Variants in PDE7B observed in about 807,000 individuals in gnomAD.
The protein encoded by PDE7B is 3',5'-cyclic-AMP phosphodiesterase 7B.
PDE7B carries 29 observed loss-of-function variants against 56.2 expected under a neutral mutation model. That is an observed-to-expected ratio of 0.52 (90% CI 0.38 to 0.70). The LOEUF is 0.70. Ranked by LOEUF, PDE7B falls within the 30% of genes least tolerant of loss-of-function variation. The pLI, the probability that PDE7B is intolerant of heterozygous loss-of-function variation, is 0.00. For synonymous variants in PDE7B, 197 were observed against 196.9 expected, an observed-to-expected ratio of 1.00 and a Z score of 0.00; for missense variants, 490 against 565.0, an observed-to-expected ratio of 0.87 and a Z score of 1.35.
At chr6:135,928,465 T>TA (rs1774231425) in intron 1 of PDE7B, among the ~76,000 whole-genome samples, 1 of 75,562 alleles carries the variant, frequency 1.3e-5, no homozygotes, top group Admixed American at 1.6e-4. Context: ...ATATATATAT[T>TA]TATTTATATA....
chr6:136,183,493 G>A (rs550997336), intron 11 of PDE7B, among the ~76,000 whole-genome samples: 13 of 150,506 alleles, frequency 8.6e-5, no homozygotes, highest in African/African-American at 2.9e-4. Context: ...TTACTTGGGA[G>A]GCTGAGGCAG....
At chr6:135,996,507 G>A (rs893410730) in intron 2 of PDE7B, among the ~76,000 whole-genome samples, 3 of 152,292 alleles carry the variant, frequency 2.0e-5, no homozygotes, top group South Asian at 2.1e-4. Context: ...TACAAAAGGC[G>A]AGAAAATAAC....
chr6:135,914,484 G>T, intron 1 of PDE7B, among the ~76,000 whole-genome samples: 3 of 62,796 alleles, frequency 4.8e-5, no homozygotes, highest in Non-Finnish European at 5.2e-5. Context: ...TTTTTATAAT[G>T]CTTTTTTTTT....
intron 3 of PDE7B, chr6:136,111,208 G>A (rs1409262147): frequency 1.3e-5 from 2 of 151,950 alleles, no homozygotes; most frequent in Admixed American, 1.3e-4. Flanking sequence ...AAGACTATAA[G>A]ATCCTAAAGA....
intron 3 of PDE7B, among the ~76,000 whole-genome samples, chr6:136,142,260 C>A (rs969604701): frequency 1.3e-5 from 2 of 152,092 alleles, no homozygotes; most frequent in Admixed American, 1.3e-4. Context: ...TGTAGTTGAG[C>A]AGTTTGGAGT....
At chr6:136,035,794 G>A (rs1352620806) in intron 2 of PDE7B, among the ~76,000 whole-genome samples, 1 of 151,922 alleles carries the variant, frequency 6.6e-6, no homozygotes, top group Non-Finnish European at 1.5e-5. Context: ...AGGATACAAT[G>A]GAAATGTATA....
chr6:136,192,325 T>TTAA lies in PDE7B; in HGVS notation c.*494_*496dup, dbSNP rs915638736. On this transcript the variant is annotated 3_prime_UTR_variant, in exon 13 of 13. Transcript: ENST00000308191. Reference sequence around the variant, plus strand: ...AGTGTGAGAGAAAGTACCTTCTATTTTAATAATAATATTATTATAAAAATA... The same window carrying TTAA: ...AGTGTGAGAGAAAGTACCTTCTATTTTAATAATAATAATATTATTATAAAAATA... 1 of 152,162 alleles carries TTAA rather than the reference T, an allele frequency of 6.6e-6. No individual in the cohort carries two copies. The highest frequency in any genetic ancestry group is 1.5e-5 in the Non-Finnish European group (1 of 68,026). 9.4% of individuals were successfully genotyped at this position (152,162 alleles called of 1,614,324 possible).
At chr6:135,951,212 C>G (rs1430049783) in intron 2 of PDE7B, among the ~76,000 whole-genome samples, 1 of 151,834 alleles carries the variant, frequency 6.6e-6, no homozygotes, top group Non-Finnish European at 1.5e-5. Context: ...CCTCCCCTCT[C>G]CACCTTCCTT....
intron 1 of PDE7B, among the ~76,000 whole-genome samples, chr6:135,879,696 A>G (rs1775569203): frequency 6.6e-6 from 1 of 152,192 alleles, no homozygotes; most frequent in Admixed American, 6.5e-5. Flanking sequence ...GGAGAGGCAA[A>G]CTATATATGA....
chr6:136,187,208 A>G, intron 12 of PDE7B, 92 bp downstream of exon 12: 1 of 729,160 alleles, frequency 1.4e-6, no homozygotes, highest in South Asian at 1.7e-5. Context: ...CTTTCAAAAG[A>G]TCAGCACTGG....
chr6:136,179,002 A>T lies in PDE7B; in HGVS notation c.809A>T (p.Asp270Val). Residue 270 changes from aspartate (D) to valine (V), a missense_variant, in exon 10 of 13, where the codon GAT becomes GTT. Coordinates refer to ENST00000308191, the MANE Select transcript of PDE7B (RefSeq NM_018945.4). The stretch of plus-strand genomic sequence containing the variant: ...TTTCATTCTTGTGGATGCAGACAGG[A>T]TATTGAACAGCAGCTGGGCTCCTTG... ...LAHLPKEMTQ[D>V]IEQQLGSLIL... 1 of 1,614,160 alleles carries T rather than the reference A, an allele frequency of 6.2e-7. No homozygotes were observed. The highest frequency in any genetic ancestry group is 8.5e-7 in the Non-Finnish European group (1 of 1,179,986).
At chr6:136,005,810 A>G (rs1775771274) in intron 2 of PDE7B, among the ~76,000 whole-genome samples, 1 of 152,140 alleles carries the variant, frequency 6.6e-6, no homozygotes, top group South Asian at 2.1e-4. Flanking sequence ...TTCCTCAGGG[A>G]TCTAGAACTA....
intron 2 of PDE7B, among the ~76,000 whole-genome samples, chr6:136,108,208 A>T (rs1206171019): frequency 6.6e-6 from 1 of 151,914 alleles, no homozygotes; most frequent in Non-Finnish European, 1.5e-5. Flanking sequence ...AACTCGACAG[A>T]CTGTCCTGTG....
At chr6:136,064,303 A>G (rs1260274804) in intron 2 of PDE7B, 1 of 152,236 alleles carries the variant, frequency 6.6e-6, no homozygotes, top group African/African-American at 2.4e-5. Flanking sequence ...TCTGTGCACA[A>G]GGAGCCAAAA....
chr6:135,882,301 G>A (rs1052748059), intron 1 of PDE7B, among the ~76,000 whole-genome samples: 2 of 152,076 alleles, frequency 1.3e-5, no homozygotes, highest in African/African-American at 2.4e-5. Context: ...TACTGACAGC[G>A]CTAAAATATA....
intron 3 of PDE7B, among the ~76,000 whole-genome samples, chr6:136,142,155 T>C (rs942898443): frequency 2.6e-5 from 4 of 152,166 alleles, no homozygotes; most frequent in Non-Finnish European, 2.9e-5. Context: ...GTATGTTGTG[T>C]CTTTGTTCTC....
intron 3 of PDE7B, among the ~76,000 whole-genome samples, chr6:136,125,099 T>A (rs984786629): frequency 6.6e-6 from 1 of 152,224 alleles, no homozygotes; most frequent in African/African-American, 2.4e-5. Flanking sequence ...TTTCCAAATC[T>A]TTAATCCTTT....
intron 8 of PDE7B, chr6:136,166,486 G>C (rs1778795155): frequency 6.4e-6 from 1 of 156,252 alleles, no homozygotes; most frequent in African/African-American, 2.4e-5. Flanking sequence ...TTGGCTTCTG[G>C]GGAGACCTTA....
intron 2 of PDE7B, among the ~76,000 whole-genome samples, chr6:135,996,058 T>A (rs1462272573): frequency 1.3e-5 from 2 of 152,172 alleles, no homozygotes; most frequent in Non-Finnish European, 2.9e-5. Flanking sequence ...AAGTTTACCA[T>A]TGACTAAAAT....
Sources: allele counts gnomAD v4.1 joint callset (sites outside exome capture counted in the v4.1 genomes callset), GRCh38; gene constraint gnomAD v4.1.1; transcripts MANE v1.5; gene names NCBI Gene and HGNC (gene_info 2026-07-23, HGNC 2026-07-21).